The following ELP3 variants were observed in gnomAD, a reference collection of about 807,000 sequenced individuals.
The protein encoded by ELP3 is elongator complex protein 3.
Under a neutral mutation model 74.9 loss-of-function variants are expected in ELP3, and 56 were observed. The observed-to-expected ratio is 0.75, with a 90% CI of 0.60 to 0.93. The LOEUF (loss-of-function observed/expected upper bound fraction) is 0.93. ELP3 is among the 40% of genes least tolerant of loss of function. The pLI, the probability that ELP3 is intolerant of heterozygous loss-of-function variation, is 0.00. For synonymous variants in ELP3, 222 were observed against 239.8 expected, an observed-to-expected ratio of 0.93 and a Z score of 0.68; for missense variants, 573 against 686.5, an observed-to-expected ratio of 0.83 and a Z score of 1.85.
intron 7 of ELP3, 60 bp from the exon 8 acceptor site, chr8:28,129,442 T>G: frequency 6.3e-7 from 1 of 1,585,590 alleles, no homozygotes; most frequent in Non-Finnish European, 8.6e-7. Context: ...GGCAGTTTTT[T>G]GAGACAGAGT....
intron 5 of ELP3, among the ~76,000 whole-genome samples, chr8:28,108,197 T>C (rs1373928082): frequency 2.0e-5 from 3 of 152,240 alleles, no homozygotes; most frequent in Non-Finnish European, 4.4e-5. Context: ...AATACTTACT[T>C]CTTATCCCAA....
chr8:28,098,556 T>C (rs1811347868), intron 2 of ELP3, among the ~76,000 whole-genome samples: 1 of 152,234 alleles, frequency 6.6e-6, no homozygotes, highest in African/African-American at 2.4e-5. Flanking sequence ...TATATATATT[T>C]GTTGTTCTCT....
At chr8:28,127,365 T>A (rs1812619859) in intron 7 of ELP3, among the ~76,000 whole-genome samples, 1 of 152,178 alleles carries the variant, frequency 6.6e-6, no homozygotes, top group Non-Finnish European at 1.5e-5. Context: ...AACTTAATGG[T>A]ATCACTTTTA....
chr8:28,158,717 C>A, intron 12 of ELP3, 84 bp downstream of exon 12: 2 of 1,098,408 alleles, frequency 1.8e-6, no homozygotes, highest in South Asian at 1.3e-5. Flanking sequence ...TAACCAAGGA[C>A]AGAGCCCCAG....
In ELP3 at chr8:28,147,995, A is replaced by T. The variant is rs891911259; in HGVS notation, c.1101-7947A>T. ...TATTAGTTAAAAACTTGTATAAAAT[A>T]GGAATCCATAAGTTTGTACTGATAT... On this transcript the variant is annotated intron_variant, in intron 10 of 14. Coordinates refer to ENST00000256398, the MANE Select transcript of ELP3 (RefSeq NM_018091.6). The surrounding 1 kb of genome is among the most constrained non-coding windows in gnomAD (Gnocchi z 4.5). 6.6e-6 allele frequency among the ~76,000 whole-genome samples: 1 copy of T among 152,250 alleles called. No homozygotes were observed. Among genetic ancestry groups the T allele is most frequent in the Non-Finnish European group, 1.5e-5 (1 of 68,042 alleles).
At chr8:28,146,686 A>T (rs914989799) in intron 10 of ELP3, among the ~76,000 whole-genome samples, 2 of 152,142 alleles carry the variant, frequency 1.3e-5, no homozygotes, top group Non-Finnish European at 2.9e-5. Flanking sequence ...TTACTGCAGT[A>T]CTCTGTCCAT....
intron 10 of ELP3, among the ~76,000 whole-genome samples, chr8:28,144,011 G>A (rs192077320): frequency 4.4e-4 from 67 of 152,126 alleles, no homozygotes; most frequent in African/African-American, 1.6e-3. Flanking sequence ...TTAATTAAGG[G>A]TATTAATTTG....
chr8:28,158,527 TCCCA>T, intron 11 of ELP3, 37 bp from the exon 12 acceptor site: 2 of 1,213,184 alleles, frequency 1.6e-6, no homozygotes, highest in Non-Finnish European at 2.4e-6. Flanking sequence ...TTTGTACCCC[TCCCA>T]CCCCCCAACC....
chr8:28,125,262 A>G (rs1812526021), intron 7 of ELP3, among the ~76,000 whole-genome samples: 1 of 152,244 alleles, frequency 6.6e-6, no homozygotes, highest in African/African-American at 2.4e-5. Context: ...TGACTAACGA[A>G]AATGAATATT....
intron 8 of ELP3, 93 bp downstream of exon 8, chr8:28,129,756 CT>C: frequency 6.9e-7 from 1 of 1,446,732 alleles, no homozygotes; most frequent in Non-Finnish European, 9.6e-7. Context: ...TCTGACCACT[CT>C]TAGGGAAAGA....
intron 3 of ELP3, among the ~76,000 whole-genome samples, chr8:28,105,398 A>G (rs1043551375): frequency 2.6e-5 from 4 of 152,072 alleles, no homozygotes; most frequent in African/African-American, 9.7e-5. Flanking sequence ...TCAAAAAGGA[A>G]AAAAAAGGAA....
chr8:28,158,014 C>T (rs2130542273), intron 11 of ELP3, among the ~76,000 whole-genome samples: 1 of 143,824 alleles, frequency 7.0e-6, no homozygotes, highest in Admixed American at 7.0e-5. Context: ...TCCTTCCTTC[C>T]TTCCTCCTTT....
intron 14 of ELP3, among the ~76,000 whole-genome samples, chr8:28,181,737 C>T (rs1020652002): frequency 6.6e-6 from 1 of 152,208 alleles, no homozygotes; most frequent in Non-Finnish European, 1.5e-5. Flanking sequence ...ACGCTCTGGG[C>T]CATGGGGTCA....
In ELP3 at chr8:28,172,384, C is replaced by T. The variant is rs143025496; in HGVS notation, c.1567+10306C>T. 6.8e-3 allele frequency among the ~76,000 whole-genome samples: 1,036 copies of T among 151,934 alleles called. 8 individuals are homozygous for T. The highest frequency in any genetic ancestry group is 0.023 in the African/African-American group (953 of 41,480). On this transcript the variant is annotated intron_variant, in intron 14 of 14. Transcript: ENST00000256398. ...TGCACCTCTTTGCTTAAATTTATTC[C>T]GAGATATTTTATTCTTTTGATGCTA...
chr8:28,090,482 G>GGGGTGTGTGTGTGT (rs1554492431), upstream of ELP3: 1 of 158,618 alleles, frequency 6.3e-6, no homozygotes, highest in Admixed American at 6.8e-5. Flanking sequence ...CTGATGGGTG[G>GGGGTGTGTGTGTGT]GTGTGTGTGT....
intron 7 of ELP3, among the ~76,000 whole-genome samples, chr8:28,123,234 A>C (rs1251510987): frequency 6.6e-6 from 1 of 152,236 alleles, no homozygotes; most frequent in African/African-American, 2.4e-5. Context: ...TATTCAATTC[A>C]AAATATTTTT....
At chr8:28,177,513 GTTTAA>G (rs1814808521) in intron 14 of ELP3, among the ~76,000 whole-genome samples, 1 of 152,222 alleles carries the variant, frequency 6.6e-6, no homozygotes, top group African/African-American at 2.4e-5. Context: ...AATTAAAACA[GTTTAA>G]TTTGTTTTTA....
In ELP3 at chr8:28,119,572, TTATA is replaced by T. The variant is rs72105276; in HGVS notation, c.617+6453_617+6456del. ...ACAGTACAAAACAACTTGTGGCGTT[TTATA>T]TATATATATATATATATATATATAT... On this transcript the variant is annotated intron_variant, in intron 7 of 14. Transcript: ENST00000256398. Among the ~76,000 whole-genome samples, 117 of 46,712 alleles carry T rather than the reference TTATA, an allele frequency of 2.5e-3. 1 individual carries two copies. Among genetic ancestry groups the T allele is most frequent in the South Asian group, 5.0e-3 (4 of 808 alleles). The allele number at this position is 46,712 out of a possible 152,430, so 30.6% of individuals were successfully genotyped here.
intron 7 of ELP3, among the ~76,000 whole-genome samples, chr8:28,116,940 C>T (rs1038063165): frequency 4.6e-5 from 7 of 152,150 alleles, no homozygotes; most frequent in African/African-American, 1.7e-4. Context: ...ACGGGGATGG[C>T]AGCAGAAGGT....
Sources: gnomAD v4.1 joint callset for allele counts (sites outside exome capture counted in the v4.1 genomes callset) on GRCh38, gnomAD v4.1.1 for gene constraint, Gnocchi (gnomAD v3.1) non-coding constraint, MANE v1.5 for transcripts, NCBI Gene and HGNC (gene_info 2026-07-23, HGNC 2026-07-21) for gene names.